BCAS3: variants seen among roughly 807,000 people sequenced by gnomAD.
BCAS3 encodes BCAS3 microtubule associated cell migration factor.
BCAS3 carries 53 observed loss-of-function variants against 116.1 expected under a neutral mutation model. The observed-to-expected ratio is 0.46, with a 90% CI of 0.37 to 0.57. The LOEUF (loss-of-function observed/expected upper bound fraction) is 0.57. BCAS3 is among the 20% of genes least tolerant of loss of function. BCAS3 has a pLI of 0.00. For missense variants in BCAS3, 917 were observed against 1,165.4 expected, an observed-to-expected ratio of 0.79 and a Z score of 3.10; for synonymous variants, 391 against 408.2, an observed-to-expected ratio of 0.96 and a Z score of 0.51.
chr17:61,217,215 G>A lies in BCAS3; in HGVS notation c.2425+132651G>A, dbSNP rs770505412. Among the ~76,000 whole-genome samples the A allele has an allele frequency of 9.9e-5, 15 of 152,212 alleles. No individual in the cohort carries two copies. Among genetic ancestry groups the A allele is most frequent in the Admixed American group, 3.9e-4 (6 of 15,290 alleles). ...GGAGAATCGCTTGAACCCAGGAGGC[G>A]GAGGTTGCAGTGAGCTGAGATCGTG... is the stretch of plus-strand genomic sequence containing the variant. On this transcript the variant is annotated intron_variant, in intron 22 of 23. Transcript: ENST00000407086. The surrounding 1 kb of genome is among the most constrained non-coding windows in gnomAD (Gnocchi z 5.2).
At chr17:60,700,419 C>A (rs2036239890) in intron 4 of BCAS3, among the ~76,000 whole-genome samples, 1 of 152,096 alleles carries the variant, frequency 6.6e-6, no homozygotes, top group South Asian at 2.1e-4. Flanking sequence ...AAATAAGGGA[C>A]CCTGGAGGAA....
At chr17:60,789,387 G>A (rs1340906785) in intron 6 of BCAS3, among the ~76,000 whole-genome samples, 7 of 152,130 alleles carry the variant, frequency 4.6e-5, no homozygotes, top group African/African-American at 9.7e-5. Flanking sequence ...ACAAGGAAAC[G>A]CTTTTGAATT....
intron 15 of BCAS3, 42 bp from the exon 16 acceptor site, chr17:61,015,709 A>T: frequency 6.2e-7 from 1 of 1,602,622 alleles, no homozygotes; most frequent in Non-Finnish European, 8.5e-7. Context: ...GGAGATAGAG[A>T]ACCTTCCTCA....
chr17:61,238,952 G>A (rs1000696365), intron 22 of BCAS3, among the ~76,000 whole-genome samples: 1 of 152,112 alleles, frequency 6.6e-6, no homozygotes, highest in Non-Finnish European at 1.5e-5. Context: ...AAATCGAAAT[G>A]GATATTGCAG....
chr17:60,904,634 C>G (rs1027377754), intron 11 of BCAS3, among the ~76,000 whole-genome samples: 1 of 152,004 alleles, frequency 6.6e-6, no homozygotes, highest in African/African-American at 2.4e-5. Flanking sequence ...GAATTTGAGA[C>G]CAGCTGAGGC....
intron 7 of BCAS3, among the ~76,000 whole-genome samples, chr17:60,822,079 T>C (rs775107555): frequency 2.6e-5 from 4 of 152,232 alleles, no homozygotes; most frequent in Non-Finnish European, 5.9e-5. Flanking sequence ...GAACATTGTA[T>C]TCAAGTCCGT....
chr17:60,715,552 A>G (rs1303773398), intron 5 of BCAS3, among the ~76,000 whole-genome samples: 8 of 150,922 alleles, frequency 5.3e-5, no homozygotes, highest in Non-Finnish European at 1.2e-4. Flanking sequence ...GCAGTAGCGC[A>G]ATCTCAGCTC....
intron 22 of BCAS3, among the ~76,000 whole-genome samples, chr17:61,152,453 A>C (rs1381878689): frequency 6.6e-6 from 1 of 152,120 alleles, no homozygotes; most frequent in Non-Finnish European, 1.5e-5. Context: ...AAGACAGAAA[A>C]GTTCTCCAAG....
rs1299418092 is a variant in BCAS3 at position 61,325,624 on chromosome 17, G to A, written c.2426-42703G>A. ...ACTGCCGCAGGGAGCATTGATATAT[G>A]GCCCAAGCAAGGGACTAAAATCTTA... On this transcript the variant is annotated intron_variant, in intron 22 of 23. Transcript: ENST00000407086. This position sits in a 1 kb window ranked among gnomAD's most constrained non-coding sequence, Gnocchi z 6.4. 6.6e-6 allele frequency among the ~76,000 whole-genome samples: 1 copy of A among 152,200 alleles called. No individual in the cohort carries two copies. Among genetic ancestry groups the A allele is most frequent in the Non-Finnish European group, 1.5e-5 (1 of 68,050 alleles).
chr17:61,318,949 C>T (rs2054970925), intron 22 of BCAS3, among the ~76,000 whole-genome samples: 1 of 152,194 alleles, frequency 6.6e-6, no homozygotes, highest in South Asian at 2.1e-4. Context: ...TACTGTGCAT[C>T]GTGAAACTTG....
chr17:60,976,020 C>CTTTTTTTTTTTTTTTTT (rs755966067), intron 14 of BCAS3, among the ~76,000 whole-genome samples: 6 of 98,286 alleles, frequency 6.1e-5, no homozygotes, highest in Non-Finnish European at 8.8e-5. Flanking sequence ...TAGATTTTTG[C>CTTTTTTTTTTTTTTTTT]TTTTTTTTTT....
chr17:60,939,637 G>A (rs2060121828), intron 13 of BCAS3, among the ~76,000 whole-genome samples: 1 of 152,144 alleles, frequency 6.6e-6, no homozygotes, highest in Non-Finnish European at 1.5e-5. Context: ...ATAGAAAGCT[G>A]ATGAGTGGTT....
At chr17:61,194,717 G>A (rs2080370544) in intron 22 of BCAS3, among the ~76,000 whole-genome samples, 1 of 136,580 alleles carries the variant, frequency 7.3e-6, no homozygotes, top group Non-Finnish European at 1.5e-5. Flanking sequence ...TCCTGCCTGG[G>A]CAACAAGAGC....
Position 60,684,066 on chromosome 17 carries a change from C to G in BCAS3, c.138+30C>G, listed in dbSNP as rs1450117548. ...GTGTCTATATGTGCTTTCGCCTTTC[C>G]CTTTGGTCAGGAGAGCTCTGAAATG... On this transcript the variant is annotated intron_variant, in intron 3 of 23. Coordinates refer to ENST00000407086, the MANE Select transcript of BCAS3 (RefSeq NM_017679.5). The G allele has an allele frequency of 2.5e-6, 4 of 1,605,634 alleles. No homozygotes were observed. The East Asian group carries it at 8.9e-5, about 36-fold the overall frequency.
chr17:60,888,912 G>A lies in BCAS3; in HGVS notation c.662-783G>A, dbSNP rs190929385. Among the ~76,000 whole-genome samples, 337 of 152,334 alleles carry A rather than the reference G, an allele frequency of 2.2e-3. 1 individual carries two copies. The highest frequency in any genetic ancestry group is 7.8e-3 in the African/African-American group (325 of 41,576). On this transcript the variant is annotated intron_variant, in intron 9 of 23. Transcript: ENST00000407086. The stretch of plus-strand genomic sequence containing the variant: ...GGCTAAAAATGGCTGTGTACTGGAA[G>A]TGACAGTAAGGTGTGCTTCTTTAGT...
chr17:61,147,718 G>A (rs2077306967), intron 22 of BCAS3, among the ~76,000 whole-genome samples: 1 of 152,120 alleles, frequency 6.6e-6, no homozygotes, highest in Non-Finnish European at 1.5e-5. Flanking sequence ...GGGGCACCGT[G>A]GCTCACGCCT....
chr17:61,370,852 A>G (rs1364902157), intron 23 of BCAS3, among the ~76,000 whole-genome samples: 1 of 152,252 alleles, frequency 6.6e-6, no homozygotes. Context: ...ACCCGTGCCC[A>G]GGTCAGCCTA....
chr17:61,329,492 C>A (rs926903293), intron 22 of BCAS3, among the ~76,000 whole-genome samples: 2 of 151,962 alleles, frequency 1.3e-5, no homozygotes, highest in Admixed American at 6.6e-5. Context: ...AGGCGCCCGC[C>A]ACCACGCCCG....
chr17:60,709,242 C>G lies in BCAS3; in HGVS notation c.238C>G (p.His80Asp). 1 of 1,570,760 alleles carries G rather than the reference C, an allele frequency of 6.4e-7. No homozygotes were observed. Among genetic ancestry groups the G allele is most frequent in the Admixed American group, 1.8e-5 (1 of 56,300 alleles). Residue 80 changes from histidine to aspartate, a missense_variant, in exon 5 of 24, where the codon CAT (histidine) becomes GAT (aspartate). His to Asp is a moderately conservative substitution (Grantham distance 81). This residue lies in a region of BCAS3 where 807 missense variants were observed against 1,026.0 expected (regional missense o/e 0.79). Coordinates refer to ENST00000407086, the MANE Select transcript of BCAS3 (RefSeq NM_017679.5). ...AGATACATCAAGAAATCTGGAATTTCATGAAATACATAGTACTGGGAATGA... is the reference window on the plus strand; with the variant it reads ...AGATACATCAAGAAATCTGGAATTTGATGAAATACATAGTACTGGGAATGA... The part of the protein sequence containing the change: ...LNDTSRNLEF[H>D]EIHSTGNEPP...
Sources: gnomAD v4.1 joint callset for allele counts (sites outside exome capture counted in the v4.1 genomes callset) on GRCh38, gnomAD v4.1.1 for gene constraint, gnomAD v4.1.1 regional missense constraint, Gnocchi (gnomAD v3.1) non-coding constraint, MANE v1.5 for transcripts, NCBI Gene and HGNC (gene_info 2026-07-23, HGNC 2026-07-21) for gene names.